NYAP2: variants seen among roughly 807,000 people sequenced by gnomAD.
NYAP2 encodes the protein neuronal tyrosine-phosphorylated phosphoinositide-3-kinase adaptor 2, also known as neuronal tyrosine-phosphorylated phosphoinositide-3-kinase adapter 2.
Under a neutral mutation model 50.4 loss-of-function variants are expected in NYAP2, and 23 were observed. The ratio of observed to expected loss-of-function variants is 0.46; its 90% CI spans 0.33 to 0.65. NYAP2 has a LOEUF of 0.65. NYAP2 is among the 30% of genes least tolerant of loss of function. The probability of loss-of-function intolerance (pLI) is 0.02; values close to 1 mark genes in which losing one functional copy is unlikely to be tolerated. For synonymous variants in NYAP2, 394 were observed against 365.2 expected (o/e 1.08, Z -0.90); for missense variants, 885 against 861.0 (o/e 1.03, Z -0.35).
At chr2:225,659,646 A>ATAGG in the NYAP2 span, among the ~76,000 whole-genome samples, 1 of 152,178 alleles carries the variant, frequency 6.6e-6, no homozygotes, top group Non-Finnish European at 1.5e-5. Context: ...CCTGAGATAG[A>ATAGG]TATGAGACTT....
At chr2:225,600,038 A>T (rs1692668517) in intron 5 of NYAP2, among the ~76,000 whole-genome samples, 1 of 152,146 alleles carries the variant, frequency 6.6e-6, no homozygotes, top group East Asian at 1.9e-4. Flanking sequence ...AAGAATAATT[A>T]ATGCAGAGCC....
chr2:225,424,521 T>A (rs1695258744), intron 3 of NYAP2, among the ~76,000 whole-genome samples: 1 of 152,060 alleles, frequency 6.6e-6, no homozygotes, highest in Non-Finnish European at 1.5e-5. Flanking sequence ...GATCTAGTAT[T>A]ATTTTTATCA....
intron 5 of NYAP2, among the ~76,000 whole-genome samples, chr2:225,621,533 AAG>A (rs2106254168): frequency 6.6e-6 from 1 of 152,242 alleles, no homozygotes; most frequent in South Asian, 2.1e-4. Flanking sequence ...GCCAGACAAA[AAG>A]AGCCCTGCAG....
At chr2:225,612,417 T>C (rs1692905304) in intron 5 of NYAP2, among the ~76,000 whole-genome samples, 1 of 152,182 alleles carries the variant, frequency 6.6e-6, no homozygotes, top group South Asian at 2.1e-4. Flanking sequence ...TCCTGGTTCC[T>C]CCTGTCACCC....
At chr2:225,589,704 G>T (rs781035224) in intron 5 of NYAP2, among the ~76,000 whole-genome samples, 7 of 151,566 alleles carry the variant, frequency 4.6e-5, no homozygotes, top group African/African-American at 9.7e-5. Context: ...TAAAAAATAG[G>T]AAAATAAATT....
At chr2:225,642,619 G>T (rs1693552731) in intron 6 of NYAP2, among the ~76,000 whole-genome samples, 1 of 152,118 alleles carries the variant, frequency 6.6e-6, no homozygotes, top group Non-Finnish European at 1.5e-5. Flanking sequence ...TTGGTCACAT[G>T]TCCATCCCTG....
chr2:225,569,250 C>T (rs1474157152), intron 4 of NYAP2, among the ~76,000 whole-genome samples: 1 of 152,122 alleles, frequency 6.6e-6, no homozygotes, highest in African/African-American at 2.4e-5. Context: ...AAAGTCTGTT[C>T]AGGTGTGTTG....
intron 3 of NYAP2, among the ~76,000 whole-genome samples, chr2:225,429,780 CTTTT>C (rs1169918515): frequency 1.3e-5 from 2 of 152,130 alleles, no homozygotes; most frequent in Non-Finnish European, 2.9e-5. Flanking sequence ...CAGTCATTTT[CTTTT>C]TAGTATTAAT....
the NYAP2 span, among the ~76,000 whole-genome samples, chr2:225,695,435 A>AT: frequency 6.6e-6 from 1 of 151,896 alleles, no homozygotes; most frequent in African/African-American, 2.4e-5. Context: ...TATAGAACCC[A>AT]TAGTATTTTA....
chr2:225,620,442 CGCACACGCACGCACACACGCGCAT>C (rs1461325480), intron 5 of NYAP2, among the ~76,000 whole-genome samples: 1 of 126,396 alleles, frequency 7.9e-6, no homozygotes, highest in Non-Finnish European at 1.8e-5. Context: ...CACACACGCA[CGCACACGCACGCACACACGCGCAT>C]GCACACGCAC....
At chr2:225,401,822 A>G (rs1234587767) in intron 2 of NYAP2, among the ~76,000 whole-genome samples, 3 of 152,062 alleles carry the variant, frequency 2.0e-5, no homozygotes, top group Non-Finnish European at 2.9e-5. Context: ...TTCTTTTGGT[A>G]CCATAGAATT....
chr2:225,492,095 C>T (rs1017691908), intron 3 of NYAP2, among the ~76,000 whole-genome samples: 10 of 152,070 alleles, frequency 6.6e-5, no homozygotes, highest in Admixed American at 2.0e-4. Flanking sequence ...GATCCATGTG[C>T]CCTTTCACAT....
chr2:225,597,512 AATATAT>A lies in NYAP2; in HGVS notation c.1618+14490_1618+14495del. Among the ~76,000 whole-genome samples, 26 of 46,258 alleles carry A rather than the reference AATATAT, an allele frequency of 5.6e-4. 3 individuals carry two copies. The highest frequency in any genetic ancestry group is 2.2e-3 in the Admixed American group (6 of 2,714). The allele number at this position is 46,258 out of a possible 152,430, so 30.3% of individuals were successfully genotyped here. A position where few individuals can be genotyped will look rare whatever the true frequency, so the allele number is the denominator to read the frequency against. ...ATGGCTAAATAGTATTCCAAGGAGAAATATATATATATATATATGTATCACAATTTC... is the reference window on the plus strand; with the variant it reads ...ATGGCTAAATAGTATTCCAAGGAGAAATATATATATATGTATCACAATTTC... On this transcript the variant is annotated intron_variant, in intron 5 of 6. Transcript: ENST00000636099.
intron 3 of NYAP2, among the ~76,000 whole-genome samples, chr2:225,470,270 A>C (rs73082889): frequency 0.012 from 1,849 of 152,194 alleles, 32 homozygotes; most frequent in African/African-American, 0.041. Context: ...ACCATGGAAA[A>C]ATCTTGCCCT....
At chr2:225,679,493 G>GTTTTTT in the NYAP2 span, among the ~76,000 whole-genome samples, 11 of 103,880 alleles carry the variant, frequency 1.1e-4, no homozygotes, top group Non-Finnish European at 1.3e-4. Context: ...GCTTCTAATT[G>GTTTTTT]TTTTTTTTTT....
intron 3 of NYAP2, among the ~76,000 whole-genome samples, chr2:225,461,560 C>T (rs1478918061): frequency 1.3e-5 from 2 of 152,202 alleles, no homozygotes; most frequent in African/African-American, 4.8e-5. Flanking sequence ...GTAACTTTTA[C>T]CTTTCATCAT....
At chr2:225,534,068 TA>T (rs200449622) in intron 4 of NYAP2, among the ~76,000 whole-genome samples, 4 of 150,768 alleles carry the variant, frequency 2.7e-5, no homozygotes, top group East Asian at 3.9e-4. Context: ...ATTGGCACAT[TA>T]AAAAAAAACA....
chr2:225,599,243 G>A (rs1156821966), intron 5 of NYAP2, among the ~76,000 whole-genome samples: 1 of 152,166 alleles, frequency 6.6e-6, no homozygotes, highest in East Asian at 1.9e-4. Context: ...GGAACCACTA[G>A]GTCTGGGACT....
the NYAP2 span, among the ~76,000 whole-genome samples, chr2:225,675,156 TTA>T: frequency 6.6e-6 from 1 of 152,134 alleles, no homozygotes; most frequent in African/African-American, 2.4e-5. Flanking sequence ...TCAACTTTTA[TTA>T]TAGTTTAAAG....
Sources: gnomAD v4.1 joint callset for allele counts (sites outside exome capture counted in the v4.1 genomes callset) on GRCh38, gnomAD v4.1.1 for gene constraint, MANE v1.5 for transcripts, NCBI Gene and HGNC (gene_info 2026-07-23, HGNC 2026-07-21) for gene names.